KAT8: variants seen among roughly 807,000 people sequenced by gnomAD.
The protein encoded by KAT8 is histone acetyltransferase KAT8.
KAT8 carries 40 observed loss-of-function variants against 62.9 expected under a neutral mutation model. The ratio of observed to expected loss-of-function variants is 0.64; its 90% CI spans 0.49 to 0.83. The LOEUF is 0.83. KAT8 is among the 40% of genes least tolerant of loss of function. KAT8 has a pLI of 0.00. For missense variants in KAT8, 387 were observed against 614.8 expected (o/e 0.63, Z 3.92); for synonymous variants, 278 against 254.5 (o/e 1.09, Z -0.88).
At position 31,120,336 on chromosome 16, in the gene KAT8, C is replaced by T. The variant is rs1426911179; in HGVS notation, c.287-3C>T. 2 of 1,613,952 alleles carry T rather than the reference C, an allele frequency of 1.2e-6. No individual in the cohort carries two copies. Among genetic ancestry groups the T allele is most frequent in the Non-Finnish European group, 1.7e-6 (2 of 1,179,806 alleles). On this transcript the variant is annotated splice_region_variant and splice_polypyrimidine_tract_variant and intron_variant, in intron 2 of 10. Transcript: ENST00000219797. ...GCAGCACTCTTATGGCCCATACTTACAGTTAACCGGCGGCTGGACGAGTGG... is the reference window on the plus strand; with the variant it reads ...GCAGCACTCTTATGGCCCATACTTATAGTTAACCGGCGGCTGGACGAGTGG...
intron 10 of KAT8, 84 bp from the exon 11 acceptor site, chr16:31,131,111 C>T (rs2057575442): frequency 6.3e-7 from 1 of 1,575,546 alleles, no homozygotes; most frequent in Non-Finnish European, 8.6e-7. Flanking sequence ...GGAGGTGAAA[C>T]TGGCCTGAGC....
rs1330791028 is a variant in KAT8 at position 31,130,569 on chromosome 16, C to T, written c.1120C>T (p.Arg374Trp). The change falls in exon 9 of 11, where the codon CGG becomes TGG. Residue 374 changes from arginine to tryptophan, a missense_variant. Physicochemically the swap from Arg to Trp is moderately radical, Grantham distance 101. Transcript: ENST00000219797. Reference protein sequence around the residue: ...YWSWVLLEILRDFRGTLSIKD... With the variant: ...YWSWVLLEILWDFRGTLSIKD... Reference sequence around the variant, plus strand: ...GTCCTGGGTGCTGCTAGAGATCCTGCGGGACTTCCGGGGCACACTGTCCAT... The same window carrying T: ...GTCCTGGGTGCTGCTAGAGATCCTGTGGGACTTCCGGGGCACACTGTCCAT... 4.3e-6 allele frequency: 7 copies of T among 1,614,046 alleles called. No individual in the cohort carries two copies. Among genetic ancestry groups the T allele is most frequent in the Non-Finnish European group, 5.1e-6 (6 of 1,180,016 alleles).
chr16:31,117,934 G>T, intron 1 of KAT8, 42 bp downstream of exon 1: 1 of 1,283,106 alleles, frequency 7.8e-7, no homozygotes, highest in Non-Finnish European at 1.0e-6. Context: ...CGGAGCTCAG[G>T]GCCAGGGGGT....
At chr16:31,129,359 C>G (rs2057555296) in intron 6 of KAT8, among the ~76,000 whole-genome samples, 1 of 152,204 alleles carries the variant, frequency 6.6e-6, no homozygotes, top group Admixed American at 6.5e-5. Flanking sequence ...TGCTTTCCAA[C>G]TGCGCTCTGC....
intron 5 of KAT8, among the ~76,000 whole-genome samples, chr16:31,127,566 GCTC>G (rs1326718077): frequency 6.6e-6 from 1 of 152,184 alleles, no homozygotes; most frequent in African/African-American, 2.4e-5. Flanking sequence ...TCAGACCTCA[GCTC>G]CTCTTCTCTG....
rs1376911911 is a variant in KAT8, at chr16:31,130,659, G to T, written c.1157+53G>T. The T allele has an allele frequency of 3.1e-6, 5 of 1,610,806 alleles. No individual in the cohort carries two copies. The South Asian group carries it at 5.5e-5, about 18-fold the overall frequency. On this transcript the variant is annotated intron_variant, in intron 9 of 10. Coordinates refer to ENST00000219797, the MANE Select transcript of KAT8 (RefSeq NM_032188.3). ...CAGGACTTGCCCTGAGATGGGCCACGATCCTGCTTCCTCATACCCTGTCAC... is the reference window on the plus strand; with the variant it reads ...CAGGACTTGCCCTGAGATGGGCCACTATCCTGCTTCCTCATACCCTGTCAC...
In KAT8 at chr16:31,118,216, G is replaced by T. The variant is rs1596816148; in HGVS notation, c.211+324G>T. 3.0e-5 allele frequency: 8 copies of T among 267,700 alleles called. No homozygotes were observed. In the East Asian group the frequency reaches 5.1e-4, roughly 17 times the overall value. 16.6% of individuals were successfully genotyped at this position (267,700 alleles called of 1,614,324 possible). A position where few individuals can be genotyped will look rare whatever the true frequency, so the allele number is the denominator to read the frequency against. ...TAACGCTGCTTCCTCACCCTCTCTTGTCTCTGCGTCTTCTTTTTCCATTTG... is the reference window on the plus strand; with the variant it reads ...TAACGCTGCTTCCTCACCCTCTCTTTTCTCTGCGTCTTCTTTTTCCATTTG... On this transcript the variant is annotated intron_variant, in intron 1 of 10. Transcript: ENST00000219797.
In KAT8 at chr16:31,128,147, G is replaced by A; in HGVS notation, c.771+8G>A. 1 of 1,611,234 alleles carries A rather than the reference G, an allele frequency of 6.2e-7. No homozygotes were observed. The highest frequency in any genetic ancestry group is 1.7e-5 in the Admixed American group (1 of 59,926). ...GATGGCAAAGACCATAAGGTGAGTG[G>A]GTGGCCAGGGGTTGGGAGAGGCCGG... On this transcript the variant is annotated splice_region_variant and intron_variant, in intron 6 of 10. Coordinates refer to ENST00000219797, the MANE Select transcript of KAT8 (RefSeq NM_032188.3).
chr16:31,119,041 G>A (rs1420795786), intron 1 of KAT8, among the ~76,000 whole-genome samples: 2 of 152,114 alleles, frequency 1.3e-5, no homozygotes, highest in Non-Finnish European at 2.9e-5. Flanking sequence ...GAGCCACTGT[G>A]CCCAGCTGTT....
At chr16:31,128,546 A>G (rs893380036) in intron 6 of KAT8, among the ~76,000 whole-genome samples, 20 of 148,472 alleles carry the variant, frequency 1.3e-4, no homozygotes, top group African/African-American at 3.9e-4. Flanking sequence ...ATCTGTCTCA[A>G]AAAAAAAAAA....
intron 3 of KAT8, chr16:31,126,000 G>A (rs1483543178): frequency 3.3e-5 from 5 of 152,264 alleles, no homozygotes; most frequent in East Asian, 1.9e-4. Flanking sequence ...TTTCTGGATG[G>A]GAAGAATCCA....
intron 5 of KAT8, 110 bp from the exon 6 acceptor site, chr16:31,127,940 A>C (rs72785554): frequency 2.6e-6 from 2 of 761,332 alleles, no homozygotes; most frequent in Non-Finnish European, 4.6e-6. Context: ...TGAAGTGTTG[A>C]GGGGGGAAAC....
chr16:31,117,859 A>T lies in KAT8; in HGVS notation c.178A>T (p.Thr60Ser). The change falls in exon 1 of 11, where the codon ACG becomes TCG. Residue 60 changes from threonine to serine, a missense_variant. Coordinates refer to ENST00000219797, the MANE Select transcript of KAT8 (RefSeq NM_032188.3). Reference protein sequence around the residue: ...EPEVTVEIGETYLCRRPDSTW... With the variant: ...EPEVTVEIGESYLCRRPDSTW... ...GGAAGTCACGGTGGAGATCGGAGAA[A>T]CGTACCTGTGCCGGCGACCGGATAG... 1 of 1,420,918 alleles carries T rather than the reference A, an allele frequency of 7.0e-7. No individual in the cohort carries two copies. The highest frequency in any genetic ancestry group is 9.3e-7 in the Non-Finnish European group (1 of 1,077,918). The allele number at this position is 1,420,918 out of a possible 1,614,324, so 88.0% of individuals were successfully genotyped here.
At chr16:31,128,167 G>A in intron 6 of KAT8, 28 bp downstream of exon 6, 2 of 1,562,602 alleles carry the variant, frequency 1.3e-6, no homozygotes, top group Non-Finnish European at 1.8e-6. Flanking sequence ...GGTTGGGAGA[G>A]GCCGGGGAGG....
intron 1 of KAT8, 85 bp from the exon 2 acceptor site, chr16:31,120,101 A>G (rs1256437210): frequency 8.9e-7 from 1 of 1,119,512 alleles, no homozygotes; most frequent in Non-Finnish European, 1.4e-6. Flanking sequence ...TGTGGCCCTG[A>G]ACTCTGGAAA....
In KAT8 at chr16:31,130,040, G is replaced by A. The variant is rs200962996; in HGVS notation, c.795G>A (p.Leu265=). The A allele has an allele frequency of 1.9e-6, 3 of 1,614,160 alleles. No individual in the cohort carries two copies. The highest frequency in any genetic ancestry group is 1.7e-6 in the Non-Finnish European group (2 of 1,180,032). Residue 265 remains leucine, a synonymous_variant, in exon 7 of 11, where the codon CTG becomes CTA. Coordinates refer to ENST00000219797, the MANE Select transcript of KAT8 (RefSeq NM_032188.3). ...DHKIYCQNLC[L]LAKLFLDHKT... Reference sequence around the variant, plus strand: ...AGATTTACTGTCAGAACCTGTGTCTGCTGGCCAAGCTTTTCCTGGACCATA... The same window carrying A: ...AGATTTACTGTCAGAACCTGTGTCTACTGGCCAAGCTTTTCCTGGACCATA...
At position 31,127,260 on chromosome 16, in the gene KAT8, A is replaced by G. The variant is rs1004866703; in HGVS notation, c.588A>G (p.Pro196=). ...NYEIDAWYFS[P]FPEDYGKQPK... ...AAATTGATGCCTGGTATTTCTCACC[A>G]TTCCCCGAAGACTATGGGAAACAGC... The change falls in exon 5 of 11, where the codon CCA becomes CCG. Residue 196 remains proline (P), a synonymous_variant. Transcript: ENST00000219797. 6.2e-6 allele frequency: 10 copies of G among 1,614,108 alleles called. No individual in the cohort carries two copies. Among genetic ancestry groups the G allele is most frequent in the Non-Finnish European group, 8.5e-6 (10 of 1,180,022 alleles).
chr16:31,127,993 G>C, intron 5 of KAT8, 57 bp from the exon 6 acceptor site: 1 of 1,295,228 alleles, frequency 7.7e-7, no homozygotes, highest in Non-Finnish European at 1.1e-6. Flanking sequence ...TGGTGGGTTG[G>C]GTGCCTCCTA....
intron 3 of KAT8, 129 bp from the exon 4 acceptor site, chr16:31,126,906 G>T: frequency 2.1e-6 from 2 of 953,394 alleles, no homozygotes; most frequent in Non-Finnish European, 1.6e-6. Context: ...GTTAGCTATT[G>T]GTGTGGTTAT....
Sources: gnomAD v4.1 joint callset for allele counts (sites outside exome capture counted in the v4.1 genomes callset) on GRCh38, gnomAD v4.1.1 for gene constraint, MANE v1.5 for transcripts, NCBI Gene and HGNC (gene_info 2026-07-23, HGNC 2026-07-21) for gene names.